The following CTNNA3 variants were observed in gnomAD, a reference collection of about 807,000 sequenced individuals.
The protein encoded by CTNNA3 is catenin alpha-3.
Under a neutral mutation model 95.7 loss-of-function variants are expected in CTNNA3, and 76 were observed. The ratio of observed to expected loss-of-function variants is 0.79; its 90% CI spans 0.66 to 0.96. The LOEUF (loss-of-function observed/expected upper bound fraction) is 0.96. Among genes scored for constraint, CTNNA3 ranks in the 40% least tolerant of loss-of-function variants. The pLI is 0.00. For synonymous variants in CTNNA3, 431 were observed against 374.4 expected (o/e 1.15, Z -1.74); for missense variants, 1,191 against 1,089.8 (o/e 1.09, Z -1.31).
chr10:67,585,300 C>A (rs1383065054), intron 3 of CTNNA3, among the ~76,000 whole-genome samples: 2 of 152,078 alleles, frequency 1.3e-5, no homozygotes, highest in Non-Finnish European at 2.9e-5. Context: ...GATCTGTTTT[C>A]TTTTATATGT....
chr10:66,905,875 T>C (rs1343036222), intron 7 of CTNNA3, among the ~76,000 whole-genome samples: 1 of 152,172 alleles, frequency 6.6e-6, no homozygotes, highest in African/African-American at 2.4e-5. Context: ...TAAAGATTCA[T>C]TTATAAAAGA....
intron 5 of CTNNA3, among the ~76,000 whole-genome samples, chr10:67,405,070 A>G (rs1254750472): frequency 6.6e-6 from 1 of 152,180 alleles, no homozygotes; most frequent in Non-Finnish European, 1.5e-5. Context: ...CACTAAATAT[A>G]AAAAGGGAAA....
At chr10:66,633,607 A>G (rs994948202) in intron 9 of CTNNA3, among the ~76,000 whole-genome samples, 1 of 151,952 alleles carries the variant, frequency 6.6e-6, no homozygotes, top group African/African-American at 2.4e-5. Context: ...GTGAACCCAG[A>G]AGGCAGAGCT....
intron 13 of CTNNA3, among the ~76,000 whole-genome samples, chr10:66,247,779 C>T (rs935336956): frequency 3.3e-5 from 5 of 152,136 alleles, no homozygotes; most frequent in African/African-American, 1.2e-4. Flanking sequence ...GAAATAAATA[C>T]TTTCACAGAC....
chr10:66,597,578 C>G (rs543057508), intron 10 of CTNNA3, among the ~76,000 whole-genome samples: 1 of 109,474 alleles, frequency 9.1e-6, no homozygotes, highest in Non-Finnish European at 1.9e-5. Context: ...TTAAAAATAA[C>G]AAATAAATAA....
Position 67,219,950 on chromosome 10 carries a change from TA to T in CTNNA3, c.580-81del, listed in dbSNP as rs1589880702. 4.3e-6 allele frequency: 5 copies of T among 1,155,486 alleles called. No homozygotes were observed. In the East Asian group the frequency reaches 1.2e-4, roughly 28 times the overall value. The allele number at this position is 1,155,486 out of a possible 1,614,324, so 71.6% of individuals were successfully genotyped here. A position where few individuals can be genotyped will look rare whatever the true frequency, so the allele number is the denominator to read the frequency against. On this transcript the variant is annotated intron_variant, in intron 5 of 17. Transcript: ENST00000433211. ...TTAAATTAAAAAGCTTCTTTTTTTG[TA>T]AGTATAAATGAAAAGATAATAGACA...
At chr10:66,142,798 A>C (rs2083686718) in intron 13 of CTNNA3, among the ~76,000 whole-genome samples, 1 of 152,136 alleles carries the variant, frequency 6.6e-6, no homozygotes, top group Admixed American at 6.6e-5. Context: ...CTAATGCTAT[A>C]GGTATTACTG....
intron 13 of CTNNA3, among the ~76,000 whole-genome samples, chr10:66,250,906 A>G (rs2090522763): frequency 6.6e-6 from 1 of 152,216 alleles, no homozygotes; most frequent in Admixed American, 6.5e-5. Flanking sequence ...AACATAGACC[A>G]TCAAAGGATC....
At chr10:67,408,880 T>C in intron 5 of CTNNA3, among the ~76,000 whole-genome samples, 1 of 8,864 alleles carries the variant, frequency 1.1e-4, no homozygotes, top group South Asian at 3.6e-3. Context: ...AACTTAAATT[T>C]ACAAAAAAAA....
chr10:65,997,849 T>A (rs74675081), intron 15 of CTNNA3, among the ~76,000 whole-genome samples: 18,683 of 152,088 alleles, frequency 0.12, 1,242 homozygotes, highest in East Asian at 0.2. Context: ...AAACCCCATC[T>A]GTACTAAAAA....
At chr10:66,850,117 T>G (rs916800337) in intron 7 of CTNNA3, among the ~76,000 whole-genome samples, 5 of 152,018 alleles carry the variant, frequency 3.3e-5, no homozygotes, top group Non-Finnish European at 5.9e-5. Context: ...AATCAAGAAA[T>G]AAAGAAGAAA....
At chr10:67,525,927 C>A (rs1234505353) in intron 4 of CTNNA3, among the ~76,000 whole-genome samples, 1 of 152,114 alleles carries the variant, frequency 6.6e-6, no homozygotes, top group African/African-American at 2.4e-5. Flanking sequence ...ATCCCATACC[C>A]GCAGCGTTAT....
chr10:66,537,322 T>C (rs922480400), intron 10 of CTNNA3, among the ~76,000 whole-genome samples: 2 of 152,102 alleles, frequency 1.3e-5, no homozygotes, highest in Non-Finnish European at 2.9e-5. Context: ...TCAGAGGGCA[T>C]AGAGTTCACT....
chr10:67,533,402 T>A (rs564480313), intron 4 of CTNNA3, among the ~76,000 whole-genome samples: 1 of 152,042 alleles, frequency 6.6e-6, no homozygotes, highest in South Asian at 2.1e-4. Flanking sequence ...CAGAAAAGTC[T>A]GAAACACTTG....
intron 13 of CTNNA3, among the ~76,000 whole-genome samples, chr10:66,162,488 G>A (rs1296262544): frequency 1.3e-5 from 2 of 152,050 alleles, no homozygotes; most frequent in African/African-American, 4.8e-5. Context: ...TCTGGGTCTA[G>A]CCACCCAGCG....
At chr10:67,762,968 G>A (rs1008306818) in intron 1 of CTNNA3, among the ~76,000 whole-genome samples, 1 of 152,240 alleles carries the variant, frequency 6.6e-6, no homozygotes, top group African/African-American at 2.4e-5. Flanking sequence ...GACAGGAATT[G>A]CTTACTCGGG....
At chr10:66,042,260 C>A (rs1032606465) in intron 15 of CTNNA3, among the ~76,000 whole-genome samples, 1 of 152,122 alleles carries the variant, frequency 6.6e-6, no homozygotes, top group Non-Finnish European at 1.5e-5. Context: ...TATTTATATT[C>A]ATGAACTTTC....
At chr10:66,848,221 A>T (rs546168746) in intron 7 of CTNNA3, among the ~76,000 whole-genome samples, 17 of 152,332 alleles carry the variant, frequency 1.1e-4, no homozygotes, top group Middle Eastern at 3.4e-3. Flanking sequence ...CAAAATGGAA[A>T]TCATATATAG....
chr10:66,784,482 C>G, intron 7 of CTNNA3, among the ~76,000 whole-genome samples: 1 of 152,108 alleles, frequency 6.6e-6, no homozygotes, highest in Non-Finnish European at 1.5e-5. Context: ...AAATACAGAT[C>G]TATATGGCAT....
Sources: allele counts gnomAD v4.1 joint callset (sites outside exome capture counted in the v4.1 genomes callset), GRCh38; gene constraint gnomAD v4.1.1; transcripts MANE v1.5; gene names NCBI Gene and HGNC (gene_info 2026-07-23, HGNC 2026-07-21).